Variants in DISC1 observed in about 807,000 individuals in gnomAD.
DISC1 encodes the protein disrupted in schizophrenia 1 protein.
Under a neutral mutation model 84.5 loss-of-function variants are expected in DISC1, and 57 were observed. The observed-to-expected ratio is 0.67, with a 90% CI of 0.55 to 0.84. DISC1 has a LOEUF of 0.84. Among genes scored for constraint, DISC1 ranks in the 40% least tolerant of loss-of-function variants. The pLI is 0.00. For missense variants in DISC1, 1,000 were observed against 1,057.8 expected (o/e 0.95, Z 0.76); for synonymous variants, 411 against 415.2 (o/e 0.99, Z 0.12).
intron 9 of DISC1, among the ~76,000 whole-genome samples, chr1:231,921,121 G>A (rs2089976688): frequency 6.6e-6 from 1 of 151,678 alleles, no homozygotes; most frequent in Non-Finnish European, 1.5e-5. Context: ...TCACCATGTG[G>A]GCCAGGGTAG....
intron 6 of DISC1, among the ~76,000 whole-genome samples, chr1:231,779,880 A>G (rs2077267813): frequency 6.6e-6 from 1 of 151,914 alleles, no homozygotes; most frequent in Admixed American, 6.6e-5. Flanking sequence ...TTCTGTGTAA[A>G]TTCCTGTCTT....
intron 9 of DISC1, among the ~76,000 whole-genome samples, chr1:231,881,651 C>T (rs2086297535): frequency 6.6e-6 from 1 of 152,136 alleles, no homozygotes; most frequent in Admixed American, 6.5e-5. Context: ...CAGCCAGGGT[C>T]CCGCTTCAAG....
At chr1:231,819,619 T>C (rs2081344026) in intron 9 of DISC1, among the ~76,000 whole-genome samples, 1 of 152,276 alleles carries the variant, frequency 6.6e-6, no homozygotes, top group Middle Eastern at 3.4e-3. Flanking sequence ...TATATGTAAC[T>C]AGAGACAGTA....
intron 9 of DISC1, among the ~76,000 whole-genome samples, chr1:231,885,308 C>G (rs962339947): frequency 6.6e-6 from 1 of 152,062 alleles, no homozygotes; most frequent in Non-Finnish European, 1.5e-5. Context: ...TCTGTCTTGC[C>G]CCTAGTGTCT....
chr1:231,988,795 A>G (rs1308502154), intron 10 of DISC1, among the ~76,000 whole-genome samples: 1 of 152,242 alleles, frequency 6.6e-6, no homozygotes, highest in East Asian at 1.9e-4. Flanking sequence ...ATAAAAATGT[A>G]CCTACACACA....
chr1:231,944,184 C>A (rs1173645838), intron 9 of DISC1, among the ~76,000 whole-genome samples: 2 of 152,196 alleles, frequency 1.3e-5, no homozygotes, highest in Non-Finnish European at 2.9e-5. Flanking sequence ...TTTTCCCTCA[C>A]CATGACTGTC....
chr1:231,930,041 C>A (rs1012110421), intron 9 of DISC1, among the ~76,000 whole-genome samples: 1 of 152,136 alleles, frequency 6.6e-6, no homozygotes, highest in African/African-American at 2.4e-5. Context: ...TGAGAGATGG[C>A]CCGAAAACCC....
At chr1:231,855,336 T>G in intron 9 of DISC1, 1 of 966,228 alleles carries the variant, frequency 1.0e-6, no homozygotes, top group South Asian at 4.8e-5. Context: ...ACAATTTTTG[T>G]CAATTAAACA....
chr1:231,790,218 G>A (rs923333138), intron 6 of DISC1, among the ~76,000 whole-genome samples: 12 of 152,170 alleles, frequency 7.9e-5, no homozygotes, highest in African/African-American at 2.4e-4. Context: ...TACCTGGATC[G>A]TGAAGCACCA....
intron 9 of DISC1, among the ~76,000 whole-genome samples, chr1:231,829,102 T>C (rs957610745): frequency 1.3e-5 from 2 of 152,176 alleles, no homozygotes; most frequent in African/African-American, 4.8e-5. Flanking sequence ...CTGAGGTGTT[T>C]AATGATTATT....
At chr1:231,746,724 T>A (rs781278273) in intron 3 of DISC1, among the ~76,000 whole-genome samples, 7 of 152,234 alleles carry the variant, frequency 4.6e-5, no homozygotes, top group Non-Finnish European at 7.3e-5. Flanking sequence ...ATGTTGAGCA[T>A]TAAAAATACA....
In DISC1 at chr1:231,821,378, C is replaced by T. The variant is rs199806574; in HGVS notation, c.1981+2861C>T. 1.6e-3 allele frequency among the ~76,000 whole-genome samples: 237 copies of T among 152,254 alleles called. 1 individual carries two copies. The highest frequency in any genetic ancestry group is 9.2e-4 in the Admixed American group (14 of 15,294). Reference sequence around the variant, plus strand: ...GAACAATACGGTGATAGAAAAGGAACTGAAATATGCCAAGGTACTCAAGGG... The same window carrying T: ...GAACAATACGGTGATAGAAAAGGAATTGAAATATGCCAAGGTACTCAAGGG... On this transcript the variant is annotated intron_variant, in intron 9 of 12. Transcript: ENST00000439617.
rs74144190 is a variant in DISC1 at position 231,916,003 on chromosome 1, C to T, written c.1982-42825C>T. On this transcript the variant is annotated intron_variant, in intron 9 of 12. Transcript: ENST00000439617. ...TATTTCTTGCAGGGGGTGGATTATACAGCTGAAAGCAGCTGCTTTTACAGG... is the reference window on the plus strand; with the variant it reads ...TATTTCTTGCAGGGGGTGGATTATATAGCTGAAAGCAGCTGCTTTTACAGG... 3.6e-3 allele frequency among the ~76,000 whole-genome samples: 553 copies of T among 152,294 alleles called. 3 individuals are homozygous for T. Among genetic ancestry groups the T allele is most frequent in the African/African-American group, 0.013 (522 of 41,558 alleles).
chr1:231,792,957 C>G (rs535272050), intron 6 of DISC1, among the ~76,000 whole-genome samples: 1 of 152,338 alleles, frequency 6.6e-6, no homozygotes, highest in East Asian at 1.9e-4. Context: ...AACCTCACTT[C>G]TTCCATTTGG....
intron 5 of DISC1, among the ~76,000 whole-genome samples, chr1:231,768,892 A>T (rs1207750564): frequency 6.6e-6 from 1 of 152,174 alleles, no homozygotes; most frequent in African/African-American, 2.4e-5. Context: ...GAGGAGAGGG[A>T]GTAGGCCTTG....
intron 6 of DISC1, among the ~76,000 whole-genome samples, chr1:231,777,084 G>A (rs1346519221): frequency 6.6e-6 from 1 of 151,962 alleles, no homozygotes; most frequent in Non-Finnish European, 1.5e-5. Flanking sequence ...TCTCTCCTCT[G>A]TCTTTGCCTT....
intron 1 of DISC1, among the ~76,000 whole-genome samples, chr1:231,641,448 A>G (rs1261278146): frequency 6.6e-6 from 1 of 152,162 alleles, no homozygotes; most frequent in Non-Finnish European, 1.5e-5. Context: ...CGTTGGCTTC[A>G]GGAGTGAAGC....
intron 10 of DISC1, among the ~76,000 whole-genome samples, chr1:231,981,609 G>GAAAAAT (rs1186317175): frequency 6.6e-6 from 1 of 152,194 alleles, no homozygotes; most frequent in Non-Finnish European, 1.5e-5. Flanking sequence ...ATACATTAAT[G>GAAAAAT]AAAAATAATT....
intron 9 of DISC1, among the ~76,000 whole-genome samples, chr1:231,845,410 T>A (rs1032974456): frequency 6.8e-6 from 1 of 147,796 alleles, no homozygotes; most frequent in Non-Finnish European, 1.5e-5. Flanking sequence ...CGGGGGGAGG[T>A]TTGAGGAGAG....
Sources: gnomAD v4.1 joint callset for allele counts (sites outside exome capture counted in the v4.1 genomes callset) on GRCh38, gnomAD v4.1.1 for gene constraint, MANE v1.5 for transcripts, NCBI Gene and HGNC (gene_info 2026-07-23, HGNC 2026-07-21) for gene names.